MYOM2: variants seen among roughly 807,000 people sequenced by gnomAD.
The protein encoded by MYOM2 is myomesin 2, also known as myomesin-2.
A neutral mutation model predicts 187.6 loss-of-function variants in MYOM2; 254 were observed. The ratio of observed to expected loss-of-function variants is 1.35; its 90% CI spans 1.22 to 1.50. The LOEUF (loss-of-function observed/expected upper bound fraction) is 1.50, where lower values mean the gene tolerates loss of function less well. Ranked by LOEUF, MYOM2 falls within the 40% of genes most tolerant of loss-of-function variation. The pLI is 0.00. For missense variants in MYOM2, 2,796 were observed against 1,924.0 expected (o/e 1.45, Z -8.48); for synonymous variants, 981 against 753.8 (o/e 1.30, Z -4.94).
At chr8:2,078,989 G>A in intron 12 of MYOM2, 56 bp downstream of exon 12, 4 of 1,560,316 alleles carry the variant, frequency 2.6e-6, no homozygotes, top group Non-Finnish European at 3.5e-6. Context: ...GCTGTTTTGT[G>A]TGTGATTTGT....
intron 16 of MYOM2, among the ~76,000 whole-genome samples, chr8:2,093,684 G>T (rs957120298): frequency 1.3e-5 from 2 of 152,134 alleles, no homozygotes; most frequent in African/African-American, 4.8e-5. Context: ...GCATACTGTT[G>T]GATAATAGAC....
intron 6 of MYOM2, among the ~76,000 whole-genome samples, chr8:2,064,920 G>T (rs1818967177): frequency 6.6e-6 from 1 of 152,218 alleles, no homozygotes; most frequent in Non-Finnish European, 1.5e-5. Flanking sequence ...GTTCTCAAAA[G>T]ACTTAGAAAT....
At position 2,102,753 on chromosome 8, in the gene MYOM2, G is replaced by A. The variant is rs998246695; in HGVS notation, c.2706G>A (p.Ser902=). ...ANGVGKPSDT[S]EPVLVEARPG... ...GCGTGGGGAAGCCCTCAGACACGTC[G>A]GAGCCTGTGCTGGTAGAGGCGAGAC... The change falls in exon 21 of 37, where the codon TCG becomes TCA. Residue 902 remains serine, a synonymous_variant. Coordinates refer to ENST00000262113, the MANE Select transcript of MYOM2 (RefSeq NM_003970.4). 9.3e-6 allele frequency: 15 copies of A among 1,613,826 alleles called. No homozygotes were observed. Among genetic ancestry groups the A allele is most frequent in the South Asian group, 3.3e-5 (3 of 91,076 alleles).
intron 14 of MYOM2, among the ~76,000 whole-genome samples, chr8:2,086,601 A>C (rs570957409): frequency 6.6e-6 from 1 of 151,944 alleles, no homozygotes; most frequent in Non-Finnish European, 1.5e-5. Flanking sequence ...GTTGCTGGGG[A>C]AAATGAGGTT....
intron 32 of MYOM2, among the ~76,000 whole-genome samples, chr8:2,139,878 A>G (rs1798215794): frequency 6.6e-6 from 1 of 152,192 alleles, no homozygotes; most frequent in Admixed American, 6.5e-5. Flanking sequence ...ATGTATGAGC[A>G]CCTTGTTTTT....
chr8:2,085,652 CTGTCGTG>C lies in MYOM2; in HGVS notation c.1644+263_1644+269del, dbSNP rs1422053814. Among the ~76,000 whole-genome samples the C allele has an allele frequency of 3.4e-4, 3 of 8,870 alleles. 1 individual carries two copies. The highest frequency in any genetic ancestry group is 0.016 in the South Asian group (2 of 124). 5.8% of individuals were successfully genotyped at this position (8,870 alleles called of 152,430 possible). On this transcript the variant is annotated intron_variant, in intron 14 of 36. Coordinates refer to ENST00000262113, the MANE Select transcript of MYOM2 (RefSeq NM_003970.4). ...GTCGTGATCTCTTTGTGGCCCCCCA[CTGTCGTG>C]ATCTCTGCGTGGCCCCACTGTCGTG...
rs140558918 is a variant in MYOM2 at position 2,106,568 on chromosome 8, T to C, written c.2969T>C (p.Val990Ala). The C allele has an allele frequency of 1.2e-6, 2 of 1,608,410 alleles. No homozygotes were observed. The highest frequency in any genetic ancestry group is 3.3e-5 in the Admixed American group (2 of 59,868). Residue 990 changes from valine (V) to alanine (A), a missense_variant, in exon 23 of 37, where the codon GTG becomes GCG. Physicochemically the swap from Val to Ala is moderately conservative, Grantham distance 64 (BLOSUM62 0). Transcript: ENST00000262113. ...GTGTCTGTAAGTGATACAGACGGAGTGTCCTCCAGTTTTGTTCTGGACCCA... is the reference window on the plus strand; with the variant it reads ...GTGTCTGTAAGTGATACAGACGGAGCGTCCTCCAGTTTTGTTCTGGACCCA... Reference protein sequence around the residue: ...YSVSVSDTDGVSSSFVLDPEE... With the variant: ...YSVSVSDTDGASSSFVLDPEE...
chr8:2,092,606 C>T (rs993660286), intron 16 of MYOM2, 86 bp downstream of exon 16: 12 of 1,404,998 alleles, frequency 8.5e-6, no homozygotes, highest in African/African-American at 7.2e-5. Context: ...ACAGGGAGTA[C>T]CATGGCCGCA....
At chr8:2,110,815 G>T (rs1797044803) in intron 25 of MYOM2, among the ~76,000 whole-genome samples, 1 of 150,632 alleles carries the variant, frequency 6.6e-6, no homozygotes, top group African/African-American at 2.5e-5. Flanking sequence ...GCAGGACTCA[G>T]TTAGATGAAT....
In MYOM2 at chr8:2,089,989, T is replaced by C. The variant is rs1796240547; in HGVS notation, c.1645-19T>C. ...CTCGCGGTTTTCACTGCCAGTCTCG[T>C]TTCTGTTTCTCTTTGTAGTCCGTGG... is the stretch of plus-strand genomic sequence containing the variant. On this transcript the variant is annotated intron_variant, in intron 14 of 36. Transcript: ENST00000262113. The C allele has an allele frequency of 1.9e-6, 3 of 1,611,506 alleles. No homozygotes were observed. Among genetic ancestry groups the C allele is most frequent in the Non-Finnish European group, 2.5e-6 (3 of 1,178,350 alleles).
intron 20 of MYOM2, among the ~76,000 whole-genome samples, chr8:2,101,632 C>T (rs983539739): frequency 6.6e-6 from 1 of 152,212 alleles, no homozygotes; most frequent in African/African-American, 2.4e-5. Flanking sequence ...GGGAACTGCG[C>T]AGACACGCCT....
At chr8:2,087,528 T>C (rs1292988885) in intron 14 of MYOM2, among the ~76,000 whole-genome samples, 1 of 152,146 alleles carries the variant, frequency 6.6e-6, no homozygotes, top group Non-Finnish European at 1.5e-5. Flanking sequence ...CTCTGTGGGG[T>C]CTCCTAGGGT....
At chr8:2,124,058 T>G (rs1797549826) in intron 30 of MYOM2, 121 bp from the exon 31 acceptor site, 2 of 984,676 alleles carry the variant, frequency 2.0e-6, no homozygotes. Context: ...TATTGCCATT[T>G]TAATGATTCA....
intron 1 of MYOM2, among the ~76,000 whole-genome samples, chr8:2,049,423 T>C (rs17064574): frequency 0.049 from 7,521 of 152,310 alleles, 347 homozygotes; most frequent in African/African-American, 0.12. Flanking sequence ...TCTCGGAGAT[T>C]ACAGAGTTCA....
At chr8:2,071,228 C>G (rs1585849980) in intron 8 of MYOM2, among the ~76,000 whole-genome samples, 1 of 152,162 alleles carries the variant, frequency 6.6e-6, no homozygotes, top group East Asian at 1.9e-4. Flanking sequence ...CTCCTGGGCT[C>G]AAGTGATTCT....
intron 32 of MYOM2, among the ~76,000 whole-genome samples, chr8:2,138,749 C>G (rs931588881): frequency 1.5e-4 from 21 of 140,724 alleles, no homozygotes; most frequent in Admixed American, 9.9e-4. Context: ...AGCATGTCTT[C>G]TTGGATTCTA....
chr8:2,054,740 G>A lies in MYOM2; in HGVS notation c.263+2427G>A, dbSNP rs569966537. Reference sequence around the variant, plus strand: ...TAAACTCATCACAGTGCTGCGTGGCGCAGACCAAGCTTTGTCTTCTCGATC... The same window carrying A: ...TAAACTCATCACAGTGCTGCGTGGCACAGACCAAGCTTTGTCTTCTCGATC... On this transcript the variant is annotated intron_variant, in intron 3 of 36. Transcript: ENST00000262113. Among the ~76,000 whole-genome samples, 50 of 152,318 alleles carry A rather than the reference G, an allele frequency of 3.3e-4. 2 individuals are homozygous for A. Among genetic ancestry groups the A allele is most frequent in the Middle Eastern group, 3.4e-3 (1 of 294 alleles).
intron 28 of MYOM2, among the ~76,000 whole-genome samples, chr8:2,121,314 G>A (rs1178723138): frequency 2.6e-5 from 4 of 152,122 alleles, no homozygotes; most frequent in Non-Finnish European, 5.9e-5. Context: ...TTCTGACCGT[G>A]CCATACAAGG....
At chr8:2,046,010 G>A (rs752914431) in intron 1 of MYOM2, among the ~76,000 whole-genome samples, 6 of 152,238 alleles carry the variant, frequency 3.9e-5, no homozygotes, top group Admixed American at 2.0e-4. Context: ...AATTTAAGGC[G>A]TTATTTAATA....
Sources: gnomAD v4.1 joint callset for allele counts (sites outside exome capture counted in the v4.1 genomes callset) on GRCh38, gnomAD v4.1.1 for gene constraint, MANE v1.5 for transcripts, NCBI Gene and HGNC (gene_info 2026-07-23, HGNC 2026-07-21) for gene names.